The following ESCO2 variants were observed in gnomAD, a reference collection of about 807,000 sequenced individuals.
ESCO2 encodes N-acetyltransferase ESCO2.
A neutral mutation model predicts 61.7 loss-of-function variants in ESCO2; 51 were observed. The observed-to-expected ratio is 0.83, with a 90% CI of 0.66 to 1.04. The LOEUF is 1.04. Ranked by LOEUF, ESCO2 falls within the 50% of genes least tolerant of loss-of-function variation. ESCO2 has a pLI of 0.00. For missense variants in ESCO2, 692 were observed against 686.2 expected, an observed-to-expected ratio of 1.01 and a Z score of -0.09; for synonymous variants, 230 against 238.2, an observed-to-expected ratio of 0.97 and a Z score of 0.32.
chr8:27,803,247 C>T (rs1413747515), intron 10 of ESCO2, 59 bp from the exon 11 acceptor site: 4 of 1,462,010 alleles, frequency 2.7e-6, no homozygotes, highest in African/African-American at 2.8e-5. Context: ...AAATTGTGCT[C>T]ATGTTAATTA....
At chr8:27,782,420 C>T (rs999332081) in intron 4 of ESCO2, among the ~76,000 whole-genome samples, 1 of 152,120 alleles carries the variant, frequency 6.6e-6, no homozygotes, top group African/African-American at 2.4e-5. Context: ...TGCCACCATG[C>T]CCGGCTAATT....
intron 10 of ESCO2, among the ~76,000 whole-genome samples, chr8:27,802,781 CTGT>C (rs138509683): frequency 0.15 from 22,850 of 148,692 alleles, 2,205 homozygotes; most frequent in East Asian, 0.37. Flanking sequence ...GAGTCTCACT[CTGT>C]TACCCAGGCT....
chr8:27,815,686 T>G (rs1805797302), downstream of ESCO2, among the ~76,000 whole-genome samples: 1 of 152,228 alleles, frequency 6.6e-6, no homozygotes, highest in African/African-American at 2.4e-5. Context: ...AGTAGTTTTC[T>G]AGAACTCTGG....
intron 8 of ESCO2, 39 bp downstream of exon 8, chr8:27,792,091 C>T (rs750335460): frequency 2.1e-5 from 33 of 1,598,986 alleles, no homozygotes; most frequent in Non-Finnish European, 2.7e-5. Flanking sequence ...CCTTTCCCCA[C>T]CCCCAAGAAA....
rs140453515 is a variant in ESCO2 at position 27,775,224 on chromosome 8, T to C, written c.-16-275T>C. Among the ~76,000 whole-genome samples, 19 of 152,274 alleles carry C rather than the reference T, an allele frequency of 1.2e-4. No homozygotes were observed. In the East Asian group the frequency reaches 3.3e-3, roughly 26 times the overall value. On this transcript the variant is annotated intron_variant, in intron 1 of 10. Coordinates refer to ENST00000305188, the MANE Select transcript of ESCO2 (RefSeq NM_001017420.3). ...CACCCGTTTTCTTGCTGGGCTCTGATGAAAAGTTACAGACGGTCTCTGCCT... is the reference window on the plus strand; with the variant it reads ...CACCCGTTTTCTTGCTGGGCTCTGACGAAAAGTTACAGACGGTCTCTGCCT...
At chr8:27,808,255 T>C (rs897581346), downstream of ESCO2, 17 of 1,224,590 alleles carry the variant, frequency 1.4e-5, no homozygotes, top group Non-Finnish European at 1.6e-5. Context: ...ATTTCTCAAG[T>C]AGCTGCTGAT....
chr8:27,788,745 A>G, intron 6 of ESCO2, 102 bp from the exon 7 acceptor site: 1 of 1,487,722 alleles, frequency 6.7e-7, no homozygotes, highest in Non-Finnish European at 9.3e-7. Flanking sequence ...TCAGCAGGAA[A>G]AAAAAAATTA....
chr8:27,777,397 G>A (rs997693774), intron 3 of ESCO2: 2 of 322,032 alleles, frequency 6.2e-6, no homozygotes, highest in Non-Finnish European at 1.1e-5. Flanking sequence ...AACCTCCTAG[G>A]CTCAAGCAAT....
At chr8:27,781,508 CATCTT>C (rs1804926738) in intron 4 of ESCO2, among the ~76,000 whole-genome samples, 1 of 151,194 alleles carries the variant, frequency 6.6e-6, no homozygotes, top group African/African-American at 2.4e-5. Flanking sequence ...CCATTCTTAA[CATCTT>C]ATGTTATAAT....
intron 10 of ESCO2, among the ~76,000 whole-genome samples, chr8:27,801,254 C>G (rs980121868): frequency 6.6e-6 from 1 of 152,152 alleles, no homozygotes; most frequent in Non-Finnish European, 1.5e-5. Flanking sequence ...ACAACACTTG[C>G]TCTCTCAATT....
chr8:27,811,466 G>C (rs925430689), downstream of ESCO2: 3 of 434,820 alleles, frequency 6.9e-6, no homozygotes, highest in Non-Finnish European at 8.5e-6. Flanking sequence ...TGCAAGCTGC[G>C]TGACCTTGAG....
chr8:27,804,604 T>A lies in ESCO2; in HGVS notation c.*1166T>A, dbSNP rs1805522140. 1 of 985,302 alleles carries A rather than the reference T, an allele frequency of 1.0e-6. No individual in the cohort carries two copies. The highest frequency in any genetic ancestry group is 1.7e-5 in the African/African-American group (1 of 57,248). 61.0% of individuals were successfully genotyped at this position (985,302 alleles called of 1,614,324 possible). On this transcript the variant is annotated 3_prime_UTR_variant, in exon 11 of 11. Transcript: ENST00000305188. ...TTCAAATTGTTTTGATTCTGAAAAA[T>A]CATTCAACTGCTAACTGGCAATAAG... is the stretch of plus-strand genomic sequence containing the variant.
intron 7 of ESCO2, among the ~76,000 whole-genome samples, chr8:27,791,043 A>T (rs1415645091): frequency 2.0e-5 from 3 of 152,186 alleles, no homozygotes; most frequent in Non-Finnish European, 4.4e-5. Context: ...TGAAAAACCT[A>T]TTCGAATTTT....
chr8:27,809,358 T>G (rs1805623754), downstream of ESCO2, among the ~76,000 whole-genome samples: 1 of 152,132 alleles, frequency 6.6e-6, no homozygotes, highest in Non-Finnish European at 1.5e-5. Flanking sequence ...AAGTTCAGAG[T>G]GCAGTTGTTC....
chr8:27,809,196 G>A (rs920051928), downstream of ESCO2, among the ~76,000 whole-genome samples: 1 of 152,134 alleles, frequency 6.6e-6, no homozygotes, highest in Non-Finnish European at 1.5e-5. Flanking sequence ...GTATCAGGAT[G>A]CAAAATTATA....
At chr8:27,806,863 A>G (rs4732604), downstream of ESCO2, among the ~76,000 whole-genome samples, 23,445 of 151,874 alleles carry the variant, frequency 0.15, 2,278 homozygotes, top group East Asian at 0.37. Flanking sequence ...TAATCCACCC[A>G]CTTCAGCCTC....
chr8:27,793,479 G>GTTTTTTTTTTTTTTTTTTTTTTTT (rs67670087), intron 9 of ESCO2, among the ~76,000 whole-genome samples: 1 of 125,508 alleles, frequency 8.0e-6, no homozygotes, highest in Non-Finnish European at 1.7e-5. Flanking sequence ...CTTTTTCTTT[G>GTTTTTTTTTTTTTTTTTTTTTTTT]TTTTTTTTTT....
chr8:27,810,844 T>G (rs1805663290), downstream of ESCO2: 1 of 726,290 alleles, frequency 1.4e-6, no homozygotes, highest in Non-Finnish European at 2.3e-6. Flanking sequence ...AGATTAAACC[T>G]TGGTGGTACC....
intron 3 of ESCO2, chr8:27,778,375 C>T (rs923355252): frequency 1.3e-5 from 2 of 151,980 alleles, no homozygotes; most frequent in Non-Finnish European, 2.9e-5. Context: ...AAATGAGATA[C>T]GTTCTTGCTA....
Sources: gnomAD v4.1 joint callset for allele counts (sites outside exome capture counted in the v4.1 genomes callset) on GRCh38, gnomAD v4.1.1 for gene constraint, MANE v1.5 for transcripts, NCBI Gene and HGNC (gene_info 2026-07-23, HGNC 2026-07-21) for gene names.